The following CUBN variants were observed in gnomAD, a reference collection of about 807,000 sequenced individuals.
The protein encoded by CUBN is 460 kDa receptor.
Under a neutral mutation model 405.3 loss-of-function variants are expected in CUBN, and 282 were observed. The ratio of observed to expected loss-of-function variants is 0.70; its 90% CI spans 0.63 to 0.77. The LOEUF (loss-of-function observed/expected upper bound fraction) is 0.77. Among genes scored for constraint, CUBN ranks in the 30% least tolerant of loss-of-function variants. The pLI is 0.00. For missense variants in CUBN, 4,514 were observed against 4,475.2 expected (o/e 1.01, Z -0.25); for synonymous variants, 1,684 against 1,617.0 (o/e 1.04, Z -0.99).
chr10:17,126,000 G>A (rs1837174333), intron 4 of CUBN, among the ~76,000 whole-genome samples: 1 of 152,192 alleles, frequency 6.6e-6, no homozygotes, highest in South Asian at 2.1e-4. Flanking sequence ...CAATCTGCAT[G>A]AGTCCTTTTT....
chr10:16,889,136 A>T (rs1933007490), intron 55 of CUBN, among the ~76,000 whole-genome samples: 1 of 152,244 alleles, frequency 6.6e-6, no homozygotes, highest in African/African-American at 2.4e-5. Context: ...ATTTGTTTTC[A>T]TATAACCATT....
At chr10:16,845,119 G>A (rs1293810427) in intron 60 of CUBN, among the ~76,000 whole-genome samples, 3 of 152,096 alleles carry the variant, frequency 2.0e-5, no homozygotes, top group East Asian at 3.8e-4. Context: ...CTACAACCAC[G>A]GCAAAATCCC....
In CUBN at chr10:16,919,983, G is replaced by A. The variant is rs542353518; in HGVS notation, c.6801C>T (p.Phe2267=). The part of the protein sequence containing the change: ...TRIQLQFEDR[F]DIEVTPNCTS... ...CATACTTGGGTGTTACTTCAATATCGAATCGATCTTCAAATTGCAGCTGTA... is the reference window on the plus strand; with the variant it reads ...CATACTTGGGTGTTACTTCAATATCAAATCGATCTTCAAATTGCAGCTGTA... The change falls in exon 44 of 67, where the codon TTC becomes TTT. Residue 2267 remains phenylalanine (F), a synonymous_variant. Transcript: ENST00000377833. 49 of 1,613,352 alleles carry A rather than the reference G, an allele frequency of 3.0e-5. 2 individuals carry two copies. In the Admixed American group the frequency reaches 5.7e-4, roughly 19 times the overall value.
At chr10:16,933,052 G>T (rs754955431) in intron 40 of CUBN, 35 bp downstream of exon 40, 8 of 1,596,756 alleles carry the variant, frequency 5.0e-6, no homozygotes, top group South Asian at 1.1e-5. Flanking sequence ...TTATGTGTCA[G>T]GGTTGAAACT....
rs1319867936 is a variant in CUBN at position 17,031,260 on chromosome 10, C to A, written c.4017+9773G>T. Among the ~76,000 whole-genome samples the A allele has an allele frequency of 2.0e-5, 3 of 152,112 alleles. No individual in the cohort carries two copies. The East Asian group carries it at 5.8e-4, about 29-fold the overall frequency. On this transcript the variant is annotated intron_variant, in intron 27 of 66. Transcript: ENST00000377833. ...ATATCTCAACCTAAAGAATTGAAGG[C>A]TCTCTATTTGTGAATTTCTCTATAC...
Position 16,874,394 on chromosome 10 carries a change from G to A in CUBN, c.9216C>T (p.Asp3072=), listed in dbSNP as rs200089816. 54 of 1,614,068 alleles carry A rather than the reference G, an allele frequency of 3.3e-5. 1 individual carries two copies. Among genetic ancestry groups the A allele is most frequent in the South Asian group, 3.2e-4 (29 of 91,084 alleles). ...CGTACTTGAGCTCGATCACCTTGTC[G>A]TCACTAACGGTGATGGTATACAGAC... ...MHCLYTITVS[D]DKVIELKFSD... The change falls in exon 58 of 67, where the codon GAC becomes GAT. Residue 3072 remains aspartate (D), a synonymous_variant. Transcript: ENST00000377833.
At chr10:16,826,881 A>G (rs537248136) in intron 66 of CUBN, among the ~76,000 whole-genome samples, 2 of 152,314 alleles carry the variant, frequency 1.3e-5, no homozygotes, top group South Asian at 2.1e-4. Context: ...CATGCCCACA[A>G]AAAAACCCCT....
chr10:16,851,198 A>G (rs1465246981), intron 60 of CUBN, 37 bp downstream of exon 60: 1 of 1,489,258 alleles, frequency 6.7e-7, no homozygotes, highest in Non-Finnish European at 9.4e-7. Flanking sequence ...AGAGTCTGGG[A>G]TGAATAGACT....
rs1837273845 is a variant in CUBN at position 17,129,648 on chromosome 10, G to T, written c.118C>A (p.Gln40Lys). 1.9e-6 allele frequency: 3 copies of T among 1,613,996 alleles called. No individual in the cohort carries two copies. In the African/African-American group the frequency reaches 4.0e-5, roughly 22 times the overall value. The change falls in exon 1 of 67, where the codon CAA (glutamine) becomes AAA (lysine). Residue 40 changes from glutamine to lysine, a missense_variant. By Grantham distance (53) the Gln-to-Lys change is moderately conservative (BLOSUM62 1). This residue lies in a region of CUBN where 1,448 missense variants were observed against 1,388.0 expected (regional missense o/e 1.04). Coordinates refer to ENST00000377833, the MANE Select transcript of CUBN (RefSeq NM_001081.4). The stretch of plus-strand genomic sequence containing the variant: ...ATGACCCATGTGTTTACTTACTGTT[G>T]GAGATTGATGCTTCTTTTTTGTCTC... Reference protein sequence around the residue: ...LQRQKRSINLQQPRMATERGN... With the variant: ...LQRQKRSINLKQPRMATERGN...
intron 22 of CUBN, among the ~76,000 whole-genome samples, chr10:17,055,978 C>A (rs1230427463): frequency 6.6e-6 from 1 of 151,896 alleles, no homozygotes; most frequent in African/African-American, 2.4e-5. Context: ...AAATAAGTAC[C>A]AATCTAGAGG....
Position 17,100,035 on chromosome 10 carries a change from A to T in CUBN, c.1735T>A (p.Phe579Ile), listed in dbSNP as rs939391136. Residue 579 changes from phenylalanine (F) to isoleucine (I), a missense_variant, in exon 14 of 67, where the codon TTT becomes ATT. By Grantham distance (21) the Phe-to-Ile change is conservative (BLOSUM62 0). Transcript: ENST00000377833. ...YSEHLRNGRG[F>I]TVRWETQQPE... ...TGCTGTGTTTCCCATCTTACTGTAAAGCCTCTCCCATTTCTTAAATGTTCA... is the reference window on the plus strand; with the variant it reads ...TGCTGTGTTTCCCATCTTACTGTAATGCCTCTCCCATTTCTTAAATGTTCA... The T allele has an allele frequency of 3.1e-6, 5 of 1,613,646 alleles. No homozygotes were observed. In the African/African-American group the frequency reaches 6.7e-5, roughly 22 times the overall value.
intron 27 of CUBN, among the ~76,000 whole-genome samples, chr10:17,032,913 T>G (rs914262727): frequency 6.6e-6 from 1 of 152,172 alleles, no homozygotes; most frequent in African/African-American, 2.4e-5. Flanking sequence ...CCTGTTGTTA[T>G]CCATCTCTGT....
chr10:16,917,606 T>C (rs1841918809), intron 45 of CUBN, among the ~76,000 whole-genome samples: 1 of 152,184 alleles, frequency 6.6e-6, no homozygotes, highest in Non-Finnish European at 1.5e-5. Flanking sequence ...ACTACTGTAT[T>C]TCATAGTAAG....
At chr10:17,065,473 T>C in intron 22 of CUBN, 35 bp downstream of exon 22, 2 of 1,611,370 alleles carry the variant, frequency 1.2e-6, no homozygotes, top group Non-Finnish European at 8.5e-7. Flanking sequence ...TGCAATGGAG[T>C]CAATAAAACC....
intron 14 of CUBN, among the ~76,000 whole-genome samples, chr10:17,096,697 A>G (rs1327507928): frequency 6.6e-6 from 1 of 152,076 alleles, no homozygotes; most frequent in Non-Finnish European, 1.5e-5. Context: ...CCATTACAGA[A>G]TATACATTCT....
intron 22 of CUBN, among the ~76,000 whole-genome samples, chr10:17,058,658 C>A (rs1054278264): frequency 1.3e-5 from 2 of 151,982 alleles, no homozygotes; most frequent in Admixed American, 6.6e-5. Context: ...AGATTAAAAA[C>A]CCCTCTTAAC....
At chr10:16,994,747 A>G (rs1255907083) in intron 28 of CUBN, among the ~76,000 whole-genome samples, 2 of 152,238 alleles carry the variant, frequency 1.3e-5, no homozygotes, top group African/African-American at 4.8e-5. Flanking sequence ...ATAGATGACA[A>G]TGATTTAGAA....
In CUBN at chr10:16,958,573, A is replaced by G. The variant is rs534956860; in HGVS notation, c.4696-4025T>C. On this transcript the variant is annotated intron_variant, in intron 31 of 66. Coordinates refer to ENST00000377833, the MANE Select transcript of CUBN (RefSeq NM_001081.4). ...GTCCCGGAATTCAAATTATATACCAATGACACCCCAAATGTGATGAGCATG... is the reference window on the plus strand; with the variant it reads ...GTCCCGGAATTCAAATTATATACCAGTGACACCCCAAATGTGATGAGCATG... Among the ~76,000 whole-genome samples, 23 of 152,240 alleles carry G rather than the reference A, an allele frequency of 1.5e-4. No individual in the cohort carries two copies. The East Asian group carries it at 3.3e-3, about 22-fold the overall frequency.
chr10:17,087,431 A>G lies in CUBN; in HGVS notation c.1947+733T>C, dbSNP rs377626559. Among the ~76,000 whole-genome samples the G allele has an allele frequency of 4.1e-5, 6 of 147,676 alleles. 1 individual carries two copies. Among genetic ancestry groups the G allele is most frequent in the East Asian group, 2.1e-4 (1 of 4,866 alleles). ...TAATAATGATTACTTTATTCCAGGA[A>G]CCTAACCCAGTTCAACACAATCACT... is the stretch of plus-strand genomic sequence containing the variant. On this transcript the variant is annotated intron_variant, in intron 15 of 66. Coordinates refer to ENST00000377833, the MANE Select transcript of CUBN (RefSeq NM_001081.4).
Sources: gnomAD v4.1 joint callset for allele counts (sites outside exome capture counted in the v4.1 genomes callset) on GRCh38, gnomAD v4.1.1 for gene constraint, gnomAD v4.1.1 regional missense constraint, MANE v1.5 for transcripts, NCBI Gene and HGNC (gene_info 2026-07-23, HGNC 2026-07-21) for gene names.